The following TNS3 variants were observed in gnomAD, a reference collection of about 807,000 sequenced individuals.
TNS3 encodes the protein tensin-3.
TNS3 carries 45 observed loss-of-function variants against 140.9 expected under a neutral mutation model. The ratio of observed to expected loss-of-function variants is 0.32; its 90% confidence interval spans 0.25 to 0.41. The LOEUF is 0.41. Ranked by LOEUF, TNS3 falls within the 10% of genes least tolerant of loss-of-function variation. TNS3 has a pLI of 1.00. For missense variants in TNS3, 1,716 were observed against 1,906.7 expected, an observed-to-expected ratio of 0.90 and a Z score of 1.86; for synonymous variants, 815 against 788.4, an observed-to-expected ratio of 1.03 and a Z score of -0.56.
intron 3 of TNS3, among the ~76,000 whole-genome samples, chr7:47,499,898 G>C (rs903980599): frequency 9.9e-5 from 15 of 152,104 alleles, no homozygotes; most frequent in Admixed American, 2.0e-4. Flanking sequence ...TGCTGTTCTG[G>C]TGCGGCGATG....
chr7:47,280,050 GCATGGTGTAGT>G (rs1447380082), intron 30 of TNS3, 103 bp downstream of exon 30: 2 of 1,227,620 alleles, frequency 1.6e-6, no homozygotes, highest in African/African-American at 3.1e-5. Flanking sequence ...AAAGAAATTG[GCATGGTGTAGT>G]CATTTTCTTA....
rs386410072 is a variant in TNS3, at chr7:47,334,605, C to CTTTTT, written c.2650+10145_2650+10149dup. 4.4e-4 allele frequency among the ~76,000 whole-genome samples: 52 copies of CTTTTT among 118,738 alleles called. 2 individuals are homozygous for CTTTTT. Among genetic ancestry groups the CTTTTT allele is most frequent in the Non-Finnish European group, 5.2e-4 (31 of 59,408 alleles). 77.9% of individuals were successfully genotyped at this position (118,738 alleles called of 152,430 possible). Reference sequence around the variant, plus strand: ...GCTGAGATGTATCAGAACCACGACTCTTTTTTTTTTTTTTTTTTTTGACAG... The same window carrying CTTTTT: ...GCTGAGATGTATCAGAACCACGACTCTTTTTTTTTTTTTTTTTTTTTTTTTGACAG... On this transcript the variant is annotated intron_variant, in intron 20 of 30. Transcript: ENST00000311160.
chr7:47,297,316 A>T, intron 23 of TNS3, 103 bp from the exon 24 acceptor site: 1 of 1,413,590 alleles, frequency 7.1e-7, no homozygotes, highest in Non-Finnish European at 9.5e-7. Flanking sequence ...CTTTTTGCAA[A>T]CTGGATCAGT....
At chr7:47,485,932 G>A (rs1797593679) in intron 3 of TNS3, among the ~76,000 whole-genome samples, 1 of 152,124 alleles carries the variant, frequency 6.6e-6, no homozygotes, top group South Asian at 2.1e-4. Flanking sequence ...GTGTGTGGGT[G>A]AGCGTATGTG....
At chr7:47,526,753 C>T (rs1562831587) in intron 2 of TNS3, among the ~76,000 whole-genome samples, 1 of 152,240 alleles carries the variant, frequency 6.6e-6, no homozygotes, top group Non-Finnish European at 1.5e-5. Flanking sequence ...CTCATGACAG[C>T]TCTCCCAGTA....
At chr7:47,502,552 G>A (rs1242355426) in intron 3 of TNS3, among the ~76,000 whole-genome samples, 1 of 152,238 alleles carries the variant, frequency 6.6e-6, no homozygotes, top group East Asian at 1.9e-4. Context: ...TGATGGGAGA[G>A]CCCAGCAAAG....
intron 1 of TNS3, among the ~76,000 whole-genome samples, chr7:47,567,073 T>C (rs555985315): frequency 4.0e-5 from 6 of 149,726 alleles, no homozygotes; most frequent in Admixed American, 4.0e-4. Flanking sequence ...TCTCTTAATG[T>C]GAGGCAAGCA....
At chr7:47,369,953 A>C (rs1191785082) in intron 16 of TNS3, among the ~76,000 whole-genome samples, 1 of 152,218 alleles carries the variant, frequency 6.6e-6, no homozygotes, top group Non-Finnish European at 1.5e-5. Flanking sequence ...GATTGTGAAC[A>C]TTGAGCTCGG....
intron 14 of TNS3, 76 bp downstream of exon 14, chr7:47,400,709 G>A (rs376852777): frequency 1.9e-6 from 3 of 1,581,198 alleles, no homozygotes; most frequent in African/African-American, 2.7e-5. Context: ...AGGGTAAAGG[G>A]GATAGTGAAA....
In TNS3 at chr7:47,368,758, G is replaced by A. The variant is rs765939820; in HGVS notation, c.1888C>T (p.Pro630Ser). The A allele has an allele frequency of 3.8e-5, 60 of 1,587,334 alleles. No homozygotes were observed. In the Admixed American group the frequency reaches 4.4e-4, roughly 12 times the overall value. The stretch of plus-strand genomic sequence containing the variant: ...CTGGTCCCTCGGGTGGGGGTGAGTG[G>A]CACTCTGGGCTGGGCCTGGACGAGG... ...PGLVQAQPRVPLTPTRGTSSR... is the reference protein window; with the variant it reads ...PGLVQAQPRVSLTPTRGTSSR... The change falls in exon 17 of 31, where the codon CCA becomes TCA. Residue 630 changes from proline to serine, a missense_variant. Coordinates refer to ENST00000311160, the MANE Select transcript of TNS3 (RefSeq NM_022748.12).
At chr7:47,449,244 T>C (rs1795901644) in intron 4 of TNS3, among the ~76,000 whole-genome samples, 1 of 152,340 alleles carries the variant, frequency 6.6e-6, no homozygotes, top group East Asian at 1.9e-4. Flanking sequence ...GCCTATGTCG[T>C]GCAATTAATG....
chr7:47,531,479 G>A (rs1246155543), intron 1 of TNS3, among the ~76,000 whole-genome samples: 1 of 152,156 alleles, frequency 6.6e-6, no homozygotes, highest in African/African-American at 2.4e-5. Flanking sequence ...CATGGCAGAT[G>A]GAATTATGGC....
In TNS3 at chr7:47,357,020, C is replaced by G. The variant is rs549930189; in HGVS notation, c.2282-10664G>C. 3.3e-5 allele frequency among the ~76,000 whole-genome samples: 5 copies of G among 152,166 alleles called. No homozygotes were observed. In the East Asian group the frequency reaches 9.7e-4, roughly 29 times the overall value. Reference sequence around the variant, plus strand: ...AGAGGATCAATTGAGCCCAGGAGGTCAAGGATGCAGTGAGCTGTGATCACA... The same window carrying G: ...AGAGGATCAATTGAGCCCAGGAGGTGAAGGATGCAGTGAGCTGTGATCACA... On this transcript the variant is annotated intron_variant, in intron 17 of 30. Transcript: ENST00000311160.
chr7:47,454,980 T>C (rs1251460703), intron 4 of TNS3, among the ~76,000 whole-genome samples: 1 of 152,124 alleles, frequency 6.6e-6, no homozygotes, highest in Non-Finnish European at 1.5e-5. Flanking sequence ...TTCTGTCCTG[T>C]TAGATGTCCC....
At chr7:47,565,211 G>A (rs1800403572) in intron 1 of TNS3, among the ~76,000 whole-genome samples, 1 of 151,532 alleles carries the variant, frequency 6.6e-6, no homozygotes, top group Non-Finnish European at 1.5e-5. Context: ...CTGAGTAGCT[G>A]GGACTACAGG....
chr7:47,400,243 A>G, intron 15 of TNS3, 150 bp downstream of exon 15: 1 of 707,822 alleles, frequency 1.4e-6, no homozygotes, highest in Non-Finnish European at 2.4e-6. Flanking sequence ...TTGTTCCACT[A>G]TCCAATATCC....
intron 4 of TNS3, among the ~76,000 whole-genome samples, chr7:47,448,200 G>C (rs1795844338): frequency 6.6e-6 from 1 of 152,242 alleles, no homozygotes. Context: ...CAGAAAGCCA[G>C]CAGCCTCCTC....
intron 15 of TNS3, among the ~76,000 whole-genome samples, chr7:47,399,124 G>C (rs943216338): frequency 1.4e-5 from 2 of 138,260 alleles, no homozygotes; most frequent in Non-Finnish European, 3.1e-5. Context: ...TAATCAAAAC[G>C]TGAAAGATCC....
intron 20 of TNS3, among the ~76,000 whole-genome samples, chr7:47,320,706 A>G (rs1787686738): frequency 6.6e-6 from 1 of 152,186 alleles, no homozygotes; most frequent in African/African-American, 2.4e-5. Context: ...ACCACTGTAA[A>G]GGCCCTTTCT....
Sources: gnomAD v4.1 joint callset for allele counts (sites outside exome capture counted in the v4.1 genomes callset) on GRCh38, gnomAD v4.1.1 for gene constraint, MANE v1.5 for transcripts, NCBI Gene and HGNC (gene_info 2026-07-23, HGNC 2026-07-21) for gene names.